The following ARHGAP26 variants were observed in gnomAD, a reference collection of about 807,000 sequenced individuals.
ARHGAP26 encodes rho GTPase-activating protein 26.
In ARHGAP26, 38 loss-of-function variants were observed where a neutral mutation model predicts 104.8. The observed-to-expected ratio is 0.36, with a 90% CI of 0.28 to 0.48. The LOEUF is 0.48. Ranked by LOEUF, ARHGAP26 falls within the 20% of genes least tolerant of loss-of-function variation. The pLI is 0.99. For missense variants in ARHGAP26, 704 were observed against 947.9 expected (o/e 0.74, Z 3.38); for synonymous variants, 341 against 340.0 (o/e 1.00, Z -0.03).
chr5:143,016,678 G>T (rs1023509074), intron 12 of ARHGAP26, among the ~76,000 whole-genome samples: 1 of 147,360 alleles, frequency 6.8e-6, no homozygotes, highest in East Asian at 2.0e-4. Flanking sequence ...ACTCCATCCT[G>T]GGCAATAGAC....
intron 11 of ARHGAP26, among the ~76,000 whole-genome samples, chr5:142,962,459 C>A (rs1598403834): frequency 6.6e-6 from 1 of 152,156 alleles, no homozygotes; most frequent in East Asian, 1.9e-4. Flanking sequence ...TGCCCCATTT[C>A]TAGATCATTT....
rs746016092 is a variant in ARHGAP26 at position 142,879,370 on chromosome 5, C to T, written c.313-4C>T. On this transcript the variant is annotated splice_polypyrimidine_tract_variant and splice_region_variant and intron_variant, in intron 3 of 22. Coordinates refer to ENST00000645722, the MANE Select transcript of ARHGAP26 (RefSeq NM_001135608.3). ...CTTTCCCTTACTCTGTTGTTCTTCA[C>T]CAGATTGAGAATGCCAGCGAGGTGC... 7.4e-6 allele frequency: 12 copies of T among 1,613,524 alleles called. No individual in the cohort carries two copies. The Admixed American group carries it at 1.0e-4, about 13-fold the overall frequency.
At position 143,173,554 on chromosome 5, in the gene ARHGAP26, C is replaced by A. The variant is rs191963226; in HGVS notation, c.1988+26173C>A. Among the ~76,000 whole-genome samples, 123 of 152,304 alleles carry A rather than the reference C, an allele frequency of 8.1e-4. 1 individual carries two copies. Among genetic ancestry groups the A allele is most frequent in the Middle Eastern group, 3.4e-3 (1 of 294 alleles). On this transcript the variant is annotated intron_variant, in intron 20 of 22. Coordinates refer to ENST00000645722, the MANE Select transcript of ARHGAP26 (RefSeq NM_001135608.3). ...ATTTCCGAATTCAGGCACTTCGCTT[C>A]GCAATTTACATAGGCATTGTTTTTC...
At chr5:142,802,426 C>A (rs571849127) in intron 1 of ARHGAP26, among the ~76,000 whole-genome samples, 1 of 152,118 alleles carries the variant, frequency 6.6e-6, no homozygotes, top group African/African-American at 2.4e-5. Context: ...TTAACATTGT[C>A]GGTAGGTTCT....
chr5:143,077,436 G>T (rs532972090), intron 17 of ARHGAP26, among the ~76,000 whole-genome samples: 56 of 152,176 alleles, frequency 3.7e-4, no homozygotes, highest in Non-Finnish European at 6.9e-4. Context: ...CCCAGCACCG[G>T]TTCTTCTCAT....
At chr5:142,875,459 C>CT (rs1390950767) in intron 3 of ARHGAP26, among the ~76,000 whole-genome samples, 1 of 151,984 alleles carries the variant, frequency 6.6e-6, no homozygotes, top group East Asian at 1.9e-4. Context: ...AATTATTTCA[C>CT]TTTTTTGGGC....
chr5:142,990,175 ACTT>A (rs893499184), intron 11 of ARHGAP26, among the ~76,000 whole-genome samples: 4 of 151,670 alleles, frequency 2.6e-5, no homozygotes, highest in Non-Finnish European at 5.9e-5. Context: ...TTTTCTCTAA[ACTT>A]CTCTTCTCGC....
chr5:142,926,190 T>G lies in ARHGAP26; in HGVS notation c.1029-5857T>G, dbSNP rs542578714. On this transcript the variant is annotated intron_variant, in intron 10 of 22. Transcript: ENST00000645722. ...ATATACTGCTTTCCATGGGCTGTTTTTAGGGGCCAGGGTTGGAGGAGATAT... is the reference window on the plus strand; with the variant it reads ...ATATACTGCTTTCCATGGGCTGTTTGTAGGGGCCAGGGTTGGAGGAGATAT... Among the ~76,000 whole-genome samples the G allele has an allele frequency of 3.3e-5, 5 of 152,286 alleles. No homozygotes were observed. The South Asian group carries it at 1.0e-3, about 32-fold the overall frequency.
chr5:142,849,254 G>A (rs965761475), intron 1 of ARHGAP26, among the ~76,000 whole-genome samples: 2 of 152,172 alleles, frequency 1.3e-5, no homozygotes, highest in Admixed American at 1.3e-4. Context: ...TGAAGTAGGT[G>A]TGGACTCTTG....
At chr5:143,118,588 T>C (rs1203563147) in intron 17 of ARHGAP26, among the ~76,000 whole-genome samples, 1 of 152,124 alleles carries the variant, frequency 6.6e-6, no homozygotes, top group African/African-American at 2.4e-5. Flanking sequence ...CTAGGCAACA[T>C]AGCAAGACTC....
intron 1 of ARHGAP26, among the ~76,000 whole-genome samples, chr5:142,813,624 T>A (rs999571716): frequency 7.9e-5 from 12 of 152,234 alleles, no homozygotes; most frequent in Non-Finnish European, 1.6e-4. Flanking sequence ...CAGGTCTCTC[T>A]TTTTGGCTTG....
chr5:142,910,042 T>G (rs188595536), intron 9 of ARHGAP26, among the ~76,000 whole-genome samples: 2 of 152,310 alleles, frequency 1.3e-5, no homozygotes, highest in African/African-American at 4.8e-5. Flanking sequence ...ATATAAAAAT[T>G]TTTTGGAACA....
intron 20 of ARHGAP26, among the ~76,000 whole-genome samples, chr5:143,172,314 C>T (rs1353126939): frequency 3.3e-5 from 5 of 151,536 alleles, no homozygotes; most frequent in African/African-American, 9.7e-5. Flanking sequence ...AAAAAAAATA[C>T]ATGTACAGTT....
chr5:143,182,642 C>G (rs1400036604), intron 20 of ARHGAP26, among the ~76,000 whole-genome samples: 1 of 152,206 alleles, frequency 6.6e-6, no homozygotes, highest in African/African-American at 2.4e-5. Flanking sequence ...TCTACTCTAG[C>G]TAATTGGCCT....
chr5:143,022,157 C>T (rs60683606), intron 12 of ARHGAP26, among the ~76,000 whole-genome samples: 14,207 of 152,122 alleles, frequency 0.093, 800 homozygotes, highest in East Asian at 0.16. Flanking sequence ...CTGCAACCTC[C>T]GCCTCCTGGG....
chr5:142,843,717 T>C (rs189344490), intron 1 of ARHGAP26, among the ~76,000 whole-genome samples: 3 of 152,222 alleles, frequency 2.0e-5, no homozygotes, highest in Non-Finnish European at 2.9e-5. Flanking sequence ...AGAAAAAGCA[T>C]TGAATTATAA....
chr5:142,829,071 T>A (rs1439949937), intron 1 of ARHGAP26, among the ~76,000 whole-genome samples: 1 of 152,234 alleles, frequency 6.6e-6, no homozygotes, highest in Non-Finnish European at 1.5e-5. Flanking sequence ...TAAGTGCTGG[T>A]TAGGCATGTG....
intron 12 of ARHGAP26, among the ~76,000 whole-genome samples, chr5:143,016,667 C>G (rs1459691627): frequency 6.8e-6 from 1 of 147,806 alleles, no homozygotes; most frequent in Non-Finnish European, 1.5e-5. Flanking sequence ...CGTGCTATTG[C>G]ACTCCATCCT....
chr5:142,800,454 C>G (rs903938160), intron 1 of ARHGAP26, among the ~76,000 whole-genome samples: 25 of 151,814 alleles, frequency 1.6e-4, no homozygotes, highest in Non-Finnish European at 2.6e-4. Flanking sequence ...ACTGCAACCT[C>G]CGGGTTCAAA....
Sources: allele counts gnomAD v4.1 joint callset (sites outside exome capture counted in the v4.1 genomes callset), GRCh38; gene constraint gnomAD v4.1.1; transcripts MANE v1.5; gene names NCBI Gene and HGNC (gene_info 2026-07-23, HGNC 2026-07-21).